The following SDK1 variants were observed in gnomAD, a reference collection of about 807,000 sequenced individuals.
SDK1 encodes protein sidekick-1.
A neutral mutation model predicts 245.5 loss-of-function variants in SDK1; 157 were observed. The ratio of observed to expected loss-of-function variants is 0.64; its 90% confidence interval spans 0.56 to 0.73. SDK1 has a LOEUF of 0.73. Ranked by LOEUF, SDK1 falls within the 30% of genes least tolerant of loss-of-function variation. SDK1 has a pLI of 0.00. For synonymous variants in SDK1, 1,647 were observed against 1,278.5 expected, an observed-to-expected ratio of 1.29 and a Z score of -6.15; for missense variants, 3,583 against 3,002.3, an observed-to-expected ratio of 1.19 and a Z score of -4.52.
chr7:3,400,453 A>T (rs1778859028), intron 1 of SDK1, among the ~76,000 whole-genome samples: 1 of 152,190 alleles, frequency 6.6e-6, no homozygotes, highest in Admixed American at 6.5e-5. Flanking sequence ...ATAACAAGTG[A>T]AAAAGTAAGT....
chr7:3,601,823 C>T, intron 1 of SDK1, among the ~76,000 whole-genome samples: 1 of 129,236 alleles, frequency 7.7e-6, no homozygotes, highest in Non-Finnish European at 1.6e-5. Flanking sequence ...GCTATCCCTC[C>T]CCCCTTCCCC....
In SDK1 at chr7:4,267,719, G is replaced by C; in HGVS notation, c.*2335G>C. ...ATATGTTTGTTGCTCTCGGGTTTTC[G>C]ATACAACATCATGACACTTCTGTTT... is the stretch of plus-strand genomic sequence containing the variant. On this transcript the variant is annotated 3_prime_UTR_variant, in exon 45 of 45. Transcript: ENST00000404826. The C allele has an allele frequency of 2.0e-6, 2 of 985,476 alleles. No homozygotes were observed. The highest frequency in any genetic ancestry group is 2.4e-6 in the Non-Finnish European group (2 of 829,962). The allele number at this position is 985,476 out of a possible 1,614,324, so 61.0% of individuals were successfully genotyped here. A position where few individuals can be genotyped will look rare whatever the true frequency, so the allele number is the denominator to read the frequency against.
intron 1 of SDK1, among the ~76,000 whole-genome samples, chr7:3,402,648 T>A (rs1778921033): frequency 6.6e-6 from 1 of 152,220 alleles, no homozygotes; most frequent in Admixed American, 6.6e-5. Flanking sequence ...TTTTTTCATC[T>A]GGGCCATTTT....
At chr7:4,202,659 C>G (rs1319738778) in intron 35 of SDK1, among the ~76,000 whole-genome samples, 1 of 152,224 alleles carries the variant, frequency 6.6e-6, no homozygotes, top group East Asian at 1.9e-4. Context: ...AATGAATGAG[C>G]ATCATTCTCC....
Position 4,180,759 on chromosome 7 carries a change from G to A in SDK1, c.5098+2173G>A, listed in dbSNP as rs142885715. Among the ~76,000 whole-genome samples, 879 of 152,250 alleles carry A rather than the reference G, an allele frequency of 5.8e-3. 6 individuals carry two copies. Among genetic ancestry groups the A allele is most frequent in the Non-Finnish European group, 0.01 (697 of 68,024 alleles). On this transcript the variant is annotated intron_variant, in intron 35 of 44. Coordinates refer to ENST00000404826, the MANE Select transcript of SDK1 (RefSeq NM_152744.4). Reference sequence around the variant, plus strand: ...CGAAGGGGGAGCAGGCATCCCACACGGCACAAACAGGAGCAAGAGAGCGCA... The same window carrying A: ...CGAAGGGGGAGCAGGCATCCCACACAGCACAAACAGGAGCAAGAGAGCGCA...
chr7:3,403,852 T>TATAA (rs1472343015), intron 1 of SDK1, among the ~76,000 whole-genome samples: 1 of 98,642 alleles, frequency 1.0e-5, no homozygotes, highest in Non-Finnish European at 1.9e-5. Context: ...TATATATATA[T>TATAA]ATATATATAT....
chr7:4,102,115 G>A (rs1782590064), intron 22 of SDK1, among the ~76,000 whole-genome samples: 1 of 152,226 alleles, frequency 6.6e-6, no homozygotes. Context: ...TTCCTTGGGA[G>A]TGAAGATAAA....
intron 1 of SDK1, among the ~76,000 whole-genome samples, chr7:3,400,161 G>C (rs923930123): frequency 2.6e-5 from 4 of 151,642 alleles, no homozygotes; most frequent in African/African-American, 9.7e-5. Context: ...TTGTTAGGGA[G>C]GCTGCTGGTT....
At chr7:3,709,938 C>A (rs550206764) in intron 4 of SDK1, among the ~76,000 whole-genome samples, 25 of 152,310 alleles carry the variant, frequency 1.6e-4, no homozygotes, top group African/African-American at 5.5e-4. Flanking sequence ...AAGCACGTGC[C>A]AGGTGCCCCG....
chr7:3,602,733 A>C (rs180848871), intron 1 of SDK1, among the ~76,000 whole-genome samples: 1 of 152,084 alleles, frequency 6.6e-6, no homozygotes, highest in Non-Finnish European at 1.5e-5. Flanking sequence ...TTGGTGTTTT[A>C]GACATGAAGT....
chr7:3,621,012 A>T (rs1336574793), intron 2 of SDK1, among the ~76,000 whole-genome samples: 2 of 152,124 alleles, frequency 1.3e-5, no homozygotes, highest in Admixed American at 1.3e-4. Context: ...TGGTGTTATA[A>T]CTTTAGGCAG....
At position 3,605,145 on chromosome 7, in the gene SDK1, AAC is replaced by A. The variant is rs3086077; in HGVS notation, c.299-13916_299-13915del. Among the ~76,000 whole-genome samples, 61 of 147,354 alleles carry A rather than the reference AAC, an allele frequency of 4.1e-4. No individual in the cohort carries two copies. The East Asian group carries it at 0.01, about 25-fold the overall frequency. ...GCACTTGAGGAAAAAAAAAACAAGA[AAC>A]ACACACACACACACACACTAGGTGT... is the stretch of plus-strand genomic sequence containing the variant. On this transcript the variant is annotated intron_variant, in intron 1 of 44. Coordinates refer to ENST00000404826, the MANE Select transcript of SDK1 (RefSeq NM_152744.4).
rs1026179472 is a variant in SDK1, at chr7:4,005,236, AG to A, written c.2132-5727del. Among the ~76,000 whole-genome samples, 90 of 151,544 alleles carry A rather than the reference AG, an allele frequency of 5.9e-4. 1 individual carries two copies. Among genetic ancestry groups the A allele is most frequent in the Non-Finnish European group, 1.9e-4 (13 of 67,878 alleles). On this transcript the variant is annotated intron_variant, in intron 14 of 44. Transcript: ENST00000404826. ...AATTTTTTGTATTTTTAGTAGAGAC[AG>A]GGTTTTACCATGTTGGCCAGGATGG...
intron 1 of SDK1, chr7:3,476,200 C>T (rs1781343932): frequency 1.3e-5 from 2 of 152,514 alleles, no homozygotes; most frequent in Admixed American, 1.3e-4. Context: ...AAAACTGTTC[C>T]TGTGCTCTTA....
intron 1 of SDK1, among the ~76,000 whole-genome samples, chr7:3,500,762 T>C (rs921115326): frequency 1.3e-5 from 2 of 152,134 alleles, no homozygotes; most frequent in Admixed American, 6.5e-5. Flanking sequence ...CCTTTCTTTC[T>C]AAGACTCCTG....
intron 22 of SDK1, among the ~76,000 whole-genome samples, chr7:4,097,536 C>A (rs896071533): frequency 6.6e-6 from 1 of 152,168 alleles, no homozygotes; most frequent in Non-Finnish European, 1.5e-5. Flanking sequence ...TATATTGGGC[C>A]GCCCAAGGCC....
Position 3,531,290 on chromosome 7 carries a change from GT to G in SDK1, c.299-87789del, listed in dbSNP as rs543561783. 6.6e-5 allele frequency among the ~76,000 whole-genome samples: 10 copies of G among 152,230 alleles called. No homozygotes were observed. The East Asian group carries it at 1.9e-3, about 29-fold the overall frequency. On this transcript the variant is annotated intron_variant, in intron 1 of 44. Transcript: ENST00000404826. ...TACGCTATGCTAATGCTTAACATAA[GT>G]CCTTTATTTACCCTTGGTTTTGTAT...
intron 1 of SDK1, among the ~76,000 whole-genome samples, chr7:3,522,388 C>T (rs562627489): frequency 2.6e-5 from 4 of 152,282 alleles, no homozygotes; most frequent in African/African-American, 7.2e-5. Context: ...GTCTTTAATT[C>T]GGAGACAATG....
At chr7:3,624,909 G>T (rs1040672117) in intron 2 of SDK1, among the ~76,000 whole-genome samples, 1 of 151,898 alleles carries the variant, frequency 6.6e-6, no homozygotes, top group African/African-American at 2.4e-5. Flanking sequence ...GCTGGTTGTC[G>T]TGGTGCATGC....
Sources: gnomAD v4.1 joint callset for allele counts (sites outside exome capture counted in the v4.1 genomes callset) on GRCh38, gnomAD v4.1.1 for gene constraint, MANE v1.5 for transcripts, NCBI Gene and HGNC (gene_info 2026-07-23, HGNC 2026-07-21) for gene names.